The following ANAPC2 variants were observed in gnomAD, a reference collection of about 807,000 sequenced individuals.
ANAPC2 encodes anaphase-promoting complex subunit 2.
In ANAPC2, 29 loss-of-function variants were observed where a neutral mutation model predicts 84.3. The observed-to-expected ratio is 0.34, with a 90% CI of 0.26 to 0.47. The LOEUF is 0.47. Ranked by LOEUF, ANAPC2 falls within the 20% of genes least tolerant of loss-of-function variation. The pLI is 1.00. For missense variants in ANAPC2, 857 were observed against 1,131.7 expected (o/e 0.76, Z 3.48); for synonymous variants, 571 against 479.4 (o/e 1.19, Z -2.50).
chr9:137,183,807 C>G lies in ANAPC2; in HGVS notation c.1049-16G>C, dbSNP rs756283634. ...TCTGGGAAGTCTACAAGAAGAAGAA[C>G]ATCCCTCAGGGACAGACATGGATGC... On this transcript the variant is annotated splice_polypyrimidine_tract_variant and intron_variant, in intron 4 of 12. Transcript: ENST00000323927. The G allele has an allele frequency of 8.7e-6, 14 of 1,612,548 alleles. No homozygotes were observed. The highest frequency in any genetic ancestry group is 1.1e-5 in the Non-Finnish European group (13 of 1,179,452).
At position 137,187,916 on chromosome 9, in the gene ANAPC2, G is replaced by A; in HGVS notation, c.305C>T (p.Ala102Val). ...WNAISQCENS[A>V]DEPQCLLLLL... ...TAGCAAAAGGCACTGGGGCTCATCC[G>A]CAGAGTTCTCGCATTGGGAGATGGC... Residue 102 changes from alanine (A) to valine (V), a missense_variant, in exon 2 of 13, where the codon GCG (alanine) becomes GTG (valine). This residue lies in a region of ANAPC2 where 428 missense variants were observed against 513.8 expected (regional missense o/e 0.83). Coordinates refer to ENST00000323927, the MANE Select transcript of ANAPC2 (RefSeq NM_013366.4). 1 of 1,613,848 alleles carries A rather than the reference G, an allele frequency of 6.2e-7. No homozygotes were observed. Among genetic ancestry groups the A allele is most frequent in the Non-Finnish European group, 8.5e-7 (1 of 1,180,042 alleles).
intron 3 of ANAPC2, 89 bp from the exon 4 acceptor site, chr9:137,185,176 C>T (rs1834435873): frequency 7.3e-7 from 1 of 1,370,682 alleles, no homozygotes; most frequent in Non-Finnish European, 9.6e-7. Context: ...CGGCCACCCA[C>T]CCTGTCGGCC....
At chr9:137,180,405 C>CG (rs1564376345) in intron 9 of ANAPC2, 21 bp from the exon 10 acceptor site, 9 of 1,612,600 alleles carry the variant, frequency 5.6e-6, no homozygotes, top group Non-Finnish European at 6.8e-6. Flanking sequence ...GCCGGTGTCA[C>CG]GGGGGACCTG....
At chr9:137,187,233 T>C in intron 2 of ANAPC2, 1 of 521,326 alleles carries the variant, frequency 1.9e-6, no homozygotes. Flanking sequence ...AGAAATTTGC[T>C]GCTGCAGACA....
chr9:137,175,322 C>T lies in ANAPC2; in HGVS notation c.2171G>A (p.Arg724Gln), dbSNP rs376464638. The change falls in exon 12 of 13, where the codon CGG (arginine) becomes CAG (glutamine). Residue 724 changes from arginine to glutamine, a missense_variant. By Grantham distance (43) the Arg-to-Gln change is conservative. This residue lies in a region of ANAPC2 where 425 missense variants were observed against 595.5 expected (regional missense o/e 0.71). Transcript: ENST00000323927. The part of the protein sequence containing the change: ...SVIEEERPQD[R>Q]DNMVLIDSDD... ...ACTGTCAATGAGCACCATGTTGTCCCGGTCCTGAGGCCGCTCCTCCTCAAT... is the reference window on the plus strand; with the variant it reads ...ACTGTCAATGAGCACCATGTTGTCCTGGTCCTGAGGCCGCTCCTCCTCAAT... 2.5e-5 allele frequency: 41 copies of T among 1,612,582 alleles called. No homozygotes were observed. The highest frequency in any genetic ancestry group is 3.0e-5 in the Non-Finnish European group (35 of 1,179,900).
chr9:137,186,981 G>A (rs542363515), intron 2 of ANAPC2: 3 of 172,520 alleles, frequency 1.7e-5, no homozygotes, highest in South Asian at 1.4e-4. Context: ...ATGGCCAAGG[G>A]TATGACAATT....
chr9:137,181,566 G>T, intron 7 of ANAPC2, 115 bp downstream of exon 7: 1 of 1,186,936 alleles, frequency 8.4e-7, no homozygotes, highest in Non-Finnish European at 1.1e-6. Flanking sequence ...AAGCCTCTGA[G>T]ACACTAGCGA....
rs1204523347 is a variant in ANAPC2 at position 137,175,016 on chromosome 9, G to A, written c.2395C>T (p.Leu799=). ...TGCTGGTCCCGCACCTTCTTCTGCA[G>A]GTAGCCCTGCAGCTCCTGCAGGTCA... is the stretch of plus-strand genomic sequence containing the variant. ...EIDLQELQGY[L]QKKVRDQQLV... is the part of the protein sequence containing the mutation. Residue 799 remains leucine, a synonymous_variant, in exon 13 of 13, where the codon CTG becomes TTG. Coordinates refer to ENST00000323927, the MANE Select transcript of ANAPC2 (RefSeq NM_013366.4). 1 of 1,604,422 alleles carries A rather than the reference G, an allele frequency of 6.2e-7. No homozygotes were observed. The highest frequency in any genetic ancestry group is 1.7e-5 in the Admixed American group (1 of 59,008).
At chr9:137,182,790 T>C (rs1279842939) in intron 6 of ANAPC2, among the ~76,000 whole-genome samples, 1 of 152,210 alleles carries the variant, frequency 6.6e-6, no homozygotes, top group African/African-American at 2.4e-5. Context: ...CCACTCCCCT[T>C]GCCTGGTCGG....
intron 11 of ANAPC2, 108 bp from the exon 12 acceptor site, chr9:137,175,580 C>T (rs977323958): frequency 8.8e-6 from 13 of 1,483,588 alleles, no homozygotes; most frequent in Admixed American, 2.2e-5. Flanking sequence ...CTGCCTTGCC[C>T]GTGGGAAAGG....
At chr9:137,180,972 G>A (rs1834330106) in intron 7 of ANAPC2, 43 bp from the exon 8 acceptor site, 1 of 1,603,674 alleles carries the variant, frequency 6.2e-7, no homozygotes, top group Non-Finnish European at 8.5e-7. Flanking sequence ...AGGCACCTGG[G>A]CAAGGACAGG....
At chr9:137,181,930 C>T in intron 6 of ANAPC2, 68 bp from the exon 7 acceptor site, 1 of 1,516,210 alleles carries the variant, frequency 6.6e-7, no homozygotes, top group Non-Finnish European at 8.8e-7. Context: ...CCACTCATTC[C>T]AGTCCCGGCC....
chr9:137,184,405 G>A (rs1259628201), intron 4 of ANAPC2, among the ~76,000 whole-genome samples: 2 of 149,282 alleles, frequency 1.3e-5, no homozygotes, highest in African/African-American at 5.0e-5. Flanking sequence ...CCCAGACGCA[G>A]ACACAGGGAG....
At chr9:137,177,859 C>T (rs1461634529) in intron 10 of ANAPC2, among the ~76,000 whole-genome samples, 2 of 152,150 alleles carry the variant, frequency 1.3e-5, no homozygotes, top group African/African-American at 2.4e-5. Context: ...ACGGGCGACG[C>T]GGCAGAGACC....
chr9:137,175,199 C>T, intron 12 of ANAPC2, 38 bp downstream of exon 12: 1 of 1,605,228 alleles, frequency 6.2e-7, no homozygotes, highest in Non-Finnish European at 8.5e-7. Flanking sequence ...CAGGCCTCGC[C>T]CCCGCCCCCT....
At position 137,188,419 on chromosome 9, in the gene ANAPC2, C is replaced by T; in HGVS notation, c.114G>A (p.Gly38=). 3 of 1,607,212 alleles carry T rather than the reference C, an allele frequency of 1.9e-6. No individual in the cohort carries two copies. The highest frequency in any genetic ancestry group is 2.5e-6 in the Non-Finnish European group (3 of 1,179,052). The change falls in exon 1 of 13, where the codon GGG becomes GGA. Residue 38 remains glycine (G), a synonymous_variant. Coordinates refer to ENST00000323927, the MANE Select transcript of ANAPC2 (RefSeq NM_013366.4). ...STGLVPPAAL[G]LVSSRTSGAV... is the part of the protein sequence containing the mutation. ...CCCCTCTCTTCCCAGGCCTCACCAG[C>T]CCCAGCGCAGCCGGCGGCACCAGGC... is the stretch of plus-strand genomic sequence containing the variant.
Position 137,183,190 on chromosome 9 carries a change from C to T in ANAPC2, c.1221G>A (p.Leu407=), listed in dbSNP as rs1387431988. ...TGACCATGGAAGGGTCCAGCACGCG[C>T]AGCGCCTTGATGGCAGAGATATAGA... ...ITLYISAIKA[L]RVLDPSMVIL... The change falls in exon 6 of 13, where the codon CTG becomes CTA. Residue 407 remains leucine (L), a synonymous_variant. Transcript: ENST00000323927. The T allele has an allele frequency of 6.2e-7, 1 of 1,613,286 alleles. No homozygotes were observed. The highest frequency in any genetic ancestry group is 2.2e-5 in the East Asian group (1 of 44,882).
At position 137,183,766 on chromosome 9, in the gene ANAPC2, G is replaced by A. The variant is rs140721971; in HGVS notation, c.1074C>T (p.Ile358=). The change falls in exon 5 of 13, where the codon ATC becomes ATT. Residue 358 remains isoleucine (I), a synonymous_variant. Transcript: ENST00000323927. Reference sequence around the variant, plus strand: ...TCTCCAGGCAGTACTTGAGGTCCTCGATGGCTGGCCGGGAGTCTGGGAAGT... The same window carrying A: ...TCTCCAGGCAGTACTTGAGGTCCTCAATGGCTGGCCGGGAGTCTGGGAAGT... ...VRDFPDSRPA[I]EDLKYCLERT... The A allele has an allele frequency of 2.0e-4, 330 of 1,613,310 alleles. 1 individual carries two copies. The highest frequency in any genetic ancestry group is 5.8e-4 in the East Asian group (26 of 44,874).
intron 10 of ANAPC2, 92 bp downstream of exon 10, chr9:137,180,089 A>C: frequency 7.1e-7 from 1 of 1,403,326 alleles, no homozygotes; most frequent in Non-Finnish European, 9.7e-7. Flanking sequence ...CTCGGGTGAC[A>C]ACGGGGCAGC....
Sources: allele counts gnomAD v4.1 joint callset (sites outside exome capture counted in the v4.1 genomes callset), GRCh38; gene constraint gnomAD v4.1.1; regional missense constraint gnomAD v4.1.1; transcripts MANE v1.5; gene names NCBI Gene and HGNC (gene_info 2026-07-23, HGNC 2026-07-21).